STAU2: variants seen among roughly 807,000 people sequenced by gnomAD.
STAU2 encodes the protein double-stranded RNA-binding protein Staufen homolog 2.
A neutral mutation model predicts 65.9 loss-of-function variants in STAU2; 20 were observed. The observed-to-expected ratio is 0.30, with a 90% CI of 0.21 to 0.44. STAU2 has a LOEUF of 0.44. STAU2 is among the 20% of genes least tolerant of loss of function. STAU2 has a pLI of 1.00. For missense variants in STAU2, 558 were observed against 683.9 expected (o/e 0.82, Z 2.05); for synonymous variants, 232 against 233.9 (o/e 0.99, Z 0.07).
chr8:73,457,575 G>C (rs995797551), intron 13 of STAU2, among the ~76,000 whole-genome samples: 1 of 152,224 alleles, frequency 6.6e-6, no homozygotes, highest in Non-Finnish European at 1.5e-5. Flanking sequence ...ATAAAAAGAT[G>C]GGGGAGGAAA....
At position 73,642,976 on chromosome 8, in the gene STAU2, T is replaced by C. The variant is rs564674413; in HGVS notation, c.411-25525A>G. Among the ~76,000 whole-genome samples, 28 of 152,240 alleles carry C rather than the reference T, an allele frequency of 1.8e-4. No homozygotes were observed. The South Asian group carries it at 5.4e-3, about 29-fold the overall frequency. Reference sequence around the variant, plus strand: ...AAGCAGGGCTTTGTAGGGTGATGTATATGCAATCAACTCCCATAGTTACCT... The same window carrying C: ...AAGCAGGGCTTTGTAGGGTGATGTACATGCAATCAACTCCCATAGTTACCT... On this transcript the variant is annotated intron_variant, in intron 6 of 14. Transcript: ENST00000524300.
chr8:73,455,832 AG>A (rs926458690), intron 13 of STAU2, among the ~76,000 whole-genome samples: 64 of 152,194 alleles, frequency 4.2e-4, no homozygotes, highest in Admixed American at 5.9e-4. Context: ...GCCGTGGTCA[AG>A]GGGGGTGATG....
intron 1 of STAU2, chr8:73,742,434 G>A: frequency 6.5e-6 from 1 of 155,014 alleles, no homozygotes; most frequent in Non-Finnish European, 1.4e-5. Context: ...GGAGGCTGAG[G>A]CAGGTGAATC....
At chr8:73,483,767 G>A (rs1315355355) in intron 13 of STAU2, among the ~76,000 whole-genome samples, 1 of 152,138 alleles carries the variant, frequency 6.6e-6, no homozygotes, top group Non-Finnish European at 1.5e-5. Flanking sequence ...TTCCATTAAG[G>A]CTCCAGGCCA....
At chr8:73,528,090 T>A (rs1016489091) in intron 13 of STAU2, among the ~76,000 whole-genome samples, 2 of 152,182 alleles carry the variant, frequency 1.3e-5, no homozygotes, top group Non-Finnish European at 2.9e-5. Flanking sequence ...TCCAGCTTTT[T>A]ATAATACATG....
At chr8:73,559,102 T>C (rs1421034834) in intron 12 of STAU2, among the ~76,000 whole-genome samples, 2 of 152,216 alleles carry the variant, frequency 1.3e-5, no homozygotes, top group Non-Finnish European at 2.9e-5. Context: ...GTAAGGTCTG[T>C]AGTCTAGTTC....
At chr8:73,447,696 G>A (rs1341928324) in intron 13 of STAU2, among the ~76,000 whole-genome samples, 3 of 152,202 alleles carry the variant, frequency 2.0e-5, no homozygotes, top group South Asian at 2.1e-4. Flanking sequence ...AAGGAACCTC[G>A]CTGACCACGA....
rs1248326512 is a variant in STAU2, at chr8:73,589,164, T to C, written c.1161+6002A>G. On this transcript the variant is annotated intron_variant, in intron 11 of 14. Transcript: ENST00000524300. ...AGGAATTTGTAGTTAACAGTGACTA[T>C]GGCAATAACAAAACCCAAAATGAAT... Among the ~76,000 whole-genome samples, 3 of 152,172 alleles carry C rather than the reference T, an allele frequency of 2.0e-5. No homozygotes were observed. The East Asian group carries it at 5.8e-4, about 29-fold the overall frequency.
At chr8:73,605,858 C>T (rs1421510506) in intron 9 of STAU2, among the ~76,000 whole-genome samples, 1 of 77,604 alleles carries the variant, frequency 1.3e-5, no homozygotes, top group Non-Finnish European at 2.4e-5. Flanking sequence ...CACACACACA[C>T]ACACACACAC....
chr8:73,685,125 T>C (rs1818702852), intron 5 of STAU2, among the ~76,000 whole-genome samples: 1 of 152,152 alleles, frequency 6.6e-6, no homozygotes, highest in Non-Finnish European at 1.5e-5. Context: ...CTTGCCACCT[T>C]ATGAAGAAGA....
chr8:73,628,887 T>C (rs1813885063), intron 6 of STAU2, among the ~76,000 whole-genome samples: 1 of 152,238 alleles, frequency 6.6e-6, no homozygotes, highest in Non-Finnish European at 1.5e-5. Flanking sequence ...CCCAGGCATC[T>C]ACTCCAGTGC....
At chr8:73,655,741 T>C (rs1488507950) in intron 6 of STAU2, among the ~76,000 whole-genome samples, 2 of 144,400 alleles carry the variant, frequency 1.4e-5, no homozygotes, top group African/African-American at 5.2e-5. Context: ...CTCCACCTCC[T>C]GGGTTCACGC....
At chr8:73,492,306 C>T (rs1439791865) in intron 13 of STAU2, among the ~76,000 whole-genome samples, 1 of 151,936 alleles carries the variant, frequency 6.6e-6, no homozygotes, top group Admixed American at 6.6e-5. Flanking sequence ...TTTTGGAAAG[C>T]CTAAGTACAG....
Position 73,438,817 on chromosome 8 carries a change from C to T in STAU2, c.1531-16115G>A, listed in dbSNP as rs762954561. The T allele has an allele frequency of 1.1e-4, 45 of 396,028 alleles. 1 individual carries two copies. Among genetic ancestry groups the T allele is most frequent in the South Asian group, 7.7e-4 (41 of 53,044 alleles). 24.5% of individuals were successfully genotyped at this position (396,028 alleles called of 1,614,324 possible). ...ACGGGGACAAGGCCACATAGGTAAACAGCACCAGCAAATTTGCAACGTGAG... is the reference window on the plus strand; with the variant it reads ...ACGGGGACAAGGCCACATAGGTAAATAGCACCAGCAAATTTGCAACGTGAG... On this transcript the variant is annotated intron_variant, in intron 13 of 14. Coordinates refer to ENST00000524300, the MANE Select transcript of STAU2 (RefSeq NM_001164380.2).
At chr8:73,536,754 T>A (rs529269857) in intron 13 of STAU2, among the ~76,000 whole-genome samples, 4 of 152,226 alleles carry the variant, frequency 2.6e-5, no homozygotes, top group African/African-American at 9.6e-5. Flanking sequence ...CAAGAAGATG[T>A]CAACAGAGGC....
chr8:73,514,245 C>A (rs138946635), intron 13 of STAU2, among the ~76,000 whole-genome samples: 1 of 152,138 alleles, frequency 6.6e-6, no homozygotes, highest in Non-Finnish European at 1.5e-5. Context: ...CAGAGTCACA[C>A]CCATCAAGGT....
chr8:73,728,966 T>C (rs1242074005), intron 3 of STAU2, among the ~76,000 whole-genome samples: 1 of 152,208 alleles, frequency 6.6e-6, no homozygotes, highest in African/African-American at 2.4e-5. Context: ...CTTGAATAAC[T>C]GGTGAGAATG....
In STAU2 at chr8:73,422,865, C is replaced by T. The variant is rs116601325; in HGVS notation, c.1531-163G>A. ...CTAGAAAGTCTGCATGATCAGGCAG[C>T]AGTGTATATACATAACCGGAACTAG... On this transcript the variant is annotated intron_variant, in intron 13 of 14. Transcript: ENST00000524300. Among the ~76,000 whole-genome samples, 1,336 of 152,244 alleles carry T rather than the reference C, an allele frequency of 8.8e-3. 20 individuals carry two copies. The highest frequency in any genetic ancestry group is 0.03 in the African/African-American group (1,259 of 41,526).
intron 12 of STAU2, chr8:73,561,343 G>C: frequency 3.2e-6 from 1 of 310,498 alleles, no homozygotes; most frequent in Non-Finnish European, 6.2e-6. Flanking sequence ...TTTCAATAAA[G>C]ACACAACTGT....
Sources: gnomAD v4.1 joint callset for allele counts (sites outside exome capture counted in the v4.1 genomes callset) on GRCh38, gnomAD v4.1.1 for gene constraint, MANE v1.5 for transcripts, NCBI Gene and HGNC (gene_info 2026-07-23, HGNC 2026-07-21) for gene names.